The following GABRB3 variants were observed in gnomAD, a reference collection of about 807,000 sequenced individuals.
GABRB3 encodes the protein gamma-aminobutyric acid type A receptor subunit beta3, also known as gamma-aminobutyric acid receptor subunit beta-3.
Under a neutral mutation model 52.1 loss-of-function variants are expected in GABRB3, and 14 were observed. That is an observed-to-expected ratio of 0.27 (90% CI 0.18 to 0.42). The LOEUF (loss-of-function observed/expected upper bound fraction) is 0.42, where lower values mean the gene tolerates loss of function less well. Among genes scored for constraint, GABRB3 ranks in the 10% least tolerant of loss-of-function variants. The probability of loss-of-function intolerance (pLI) is 1.00; values close to 1 mark genes in which losing one functional copy is unlikely to be tolerated. For missense variants in GABRB3, 307 were observed against 609.1 expected, an observed-to-expected ratio of 0.50 and a Z score of 5.22; for synonymous variants, 260 against 232.3, an observed-to-expected ratio of 1.12 and a Z score of -1.08.
chr15:26,579,443 G>A (rs888267450), intron 6 of GABRB3, among the ~76,000 whole-genome samples: 11 of 152,212 alleles, frequency 7.2e-5, no homozygotes, highest in African/African-American at 2.7e-4. Context: ...ACATGAAGGC[G>A]AAGCTGGTGG....
chr15:26,559,706 G>C (rs937065623), intron 8 of GABRB3, among the ~76,000 whole-genome samples: 3 of 152,138 alleles, frequency 2.0e-5, no homozygotes, highest in Non-Finnish European at 2.9e-5. Flanking sequence ...AGATAAAGTG[G>C]CTTTGTGGTT....
intron 3 of GABRB3, among the ~76,000 whole-genome samples, chr15:26,699,128 T>C (rs1888842966): frequency 6.6e-6 from 1 of 151,584 alleles, no homozygotes; most frequent in African/African-American, 2.4e-5. Flanking sequence ...TAGAGGAAAA[T>C]TTGTCAGAGT....
intron 4 of GABRB3, chr15:26,615,872 G>A: frequency 8.0e-7 from 1 of 1,247,258 alleles, no homozygotes; most frequent in Non-Finnish European, 1.0e-6. Flanking sequence ...GATACAGCCA[G>A]TCCAACCAGT....
At chr15:26,560,091 C>T (rs1889922274) in intron 8 of GABRB3, among the ~76,000 whole-genome samples, 1 of 152,194 alleles carries the variant, frequency 6.6e-6, no homozygotes, top group Non-Finnish European at 1.5e-5. Flanking sequence ...AACAAATTCA[C>T]ACTCTCCACC....
intron 3 of GABRB3, among the ~76,000 whole-genome samples, chr15:26,654,774 G>A (rs559605280): frequency 7.9e-5 from 12 of 152,082 alleles, no homozygotes; most frequent in African/African-American, 2.9e-4. Flanking sequence ...AAAAGGGGAG[G>A]GAGGTTCAAT....
At chr15:26,760,805 G>GCATGCACACACA (rs1555383014) in intron 3 of GABRB3, among the ~76,000 whole-genome samples, 5 of 17,628 alleles carry the variant, frequency 2.8e-4, no homozygotes, top group African/African-American at 2.2e-4. Flanking sequence ...ACACACACGC[G>GCATGCACACACA]CACGCACACA....
chr15:26,722,149 C>T (rs1738858928), intron 3 of GABRB3, among the ~76,000 whole-genome samples: 1 of 152,096 alleles, frequency 6.6e-6, no homozygotes, highest in Non-Finnish European at 1.5e-5. Flanking sequence ...TAGTTTGCCC[C>T]ATCTAGGTCC....
At position 26,571,084 on chromosome 15, in the gene GABRB3, GGTAACTTCAATATCTTTACTGAA is replaced by G. The variant is rs1231517655; in HGVS notation, c.683-3374_683-3352del. 3.9e-5 allele frequency among the ~76,000 whole-genome samples: 6 copies of G among 152,156 alleles called. No individual in the cohort carries two copies. The East Asian group carries it at 1.2e-3, about 29-fold the overall frequency. On this transcript the variant is annotated intron_variant, in intron 6 of 8. Coordinates refer to ENST00000311550, the MANE Select transcript of GABRB3 (RefSeq NM_000814.6). ...ATTGAATTGTAGCTTGAAATCCCATGGTAACTTCAATATCTTTACTGAAGTAACTTCAATATTGGCTCTTAATC... is the reference window on the plus strand; with the variant it reads ...ATTGAATTGTAGCTTGAAATCCCATGGTAACTTCAATATTGGCTCTTAATC...
chr15:26,661,923 G>A (rs775065339), intron 3 of GABRB3, among the ~76,000 whole-genome samples: 14 of 151,732 alleles, frequency 9.2e-5, no homozygotes, highest in Non-Finnish European at 1.8e-4. Flanking sequence ...AGCTCTGATT[G>A]CCACAAACCA....
chr15:26,736,558 G>C (rs567525105), intron 3 of GABRB3, among the ~76,000 whole-genome samples: 1 of 152,354 alleles, frequency 6.6e-6, no homozygotes, highest in East Asian at 1.9e-4. Flanking sequence ...ATATTGCAAT[G>C]TCACTCTGTG....
chr15:26,640,630 T>G (rs1475995108), intron 3 of GABRB3, among the ~76,000 whole-genome samples: 1 of 152,246 alleles, frequency 6.6e-6, no homozygotes, highest in Non-Finnish European at 1.5e-5. Context: ...TATTAAAATA[T>G]AGGTTTTCCA....
intron 4 of GABRB3, among the ~76,000 whole-genome samples, chr15:26,593,435 C>T (rs928158119): frequency 6.6e-5 from 10 of 152,308 alleles, no homozygotes; most frequent in Admixed American, 4.6e-4. Context: ...TCATCTCAAA[C>T]AGAAACTCTG....
intron 3 of GABRB3, among the ~76,000 whole-genome samples, chr15:26,743,220 G>C (rs1020403899): frequency 2.0e-5 from 3 of 152,054 alleles, no homozygotes; most frequent in Non-Finnish European, 4.4e-5. Flanking sequence ...GAGCCACCGC[G>C]CCCAGCTGGA....
At chr15:26,550,079 A>C (rs1309692590) in intron 8 of GABRB3, 2 of 152,216 alleles carry the variant, frequency 1.3e-5, no homozygotes, top group Non-Finnish European at 2.9e-5. Flanking sequence ...ACCCTAAGAT[A>C]GGAAGATGAC....
intron 3 of GABRB3, among the ~76,000 whole-genome samples, chr15:26,639,279 G>A (rs1893136047): frequency 6.7e-6 from 1 of 149,254 alleles, no homozygotes; most frequent in Non-Finnish European, 1.5e-5. Flanking sequence ...GAATACAGTA[G>A]ACCCCCTGTA....
intron 3 of GABRB3, among the ~76,000 whole-genome samples, chr15:26,701,695 A>T (rs566021389): frequency 6.6e-6 from 1 of 152,330 alleles, no homozygotes; most frequent in South Asian, 2.1e-4. Flanking sequence ...TTTTAATCAA[A>T]ACTTAACAGG....
intron 3 of GABRB3, among the ~76,000 whole-genome samples, chr15:26,642,147 T>C (rs1278453628): frequency 6.6e-6 from 1 of 152,122 alleles, no homozygotes; most frequent in Non-Finnish European, 1.5e-5. Flanking sequence ...TCTGCCTCGG[T>C]CTCCCAAAGC....
At position 26,543,901 on chromosome 15, in the gene GABRB3, G is replaced by A. The variant is rs1263255414; in HGVS notation, c.*3892C>T. On this transcript the variant is annotated 3_prime_UTR_variant, in exon 9 of 9. Coordinates refer to ENST00000311550, the MANE Select transcript of GABRB3 (RefSeq NM_000814.6). Reference sequence around the variant, plus strand: ...CTCTGGAAGGTCATTGTTTACCCAGGTGTTGGGAATTTAGTATTTCAGGAA... The same window carrying A: ...CTCTGGAAGGTCATTGTTTACCCAGATGTTGGGAATTTAGTATTTCAGGAA... 1 of 152,602 alleles carries A rather than the reference G, an allele frequency of 6.6e-6. No individual in the cohort carries two copies. The highest frequency in any genetic ancestry group is 1.5e-5 in the Non-Finnish European group (1 of 68,050). The allele number at this position is 152,602 out of a possible 1,614,324, so 9.5% of individuals were successfully genotyped here. A position where few individuals can be genotyped will look rare whatever the true frequency, so the allele number is the denominator to read the frequency against.
chr15:26,579,888 G>A (rs1890725559), intron 6 of GABRB3, among the ~76,000 whole-genome samples: 1 of 152,106 alleles, frequency 6.6e-6, no homozygotes, highest in Non-Finnish European at 1.5e-5. Context: ...CAAGTTCCTG[G>A]ACCACTAAGG....
Sources: gnomAD v4.1 joint callset for allele counts (sites outside exome capture counted in the v4.1 genomes callset) on GRCh38, gnomAD v4.1.1 for gene constraint, MANE v1.5 for transcripts, NCBI Gene and HGNC (gene_info 2026-07-23, HGNC 2026-07-21) for gene names.